The following RMST variants were observed in gnomAD, a reference collection of about 807,000 sequenced individuals.
The protein encoded by RMST is long intergenic non-protein coding RNA 54.
intron 11 of RMST, among the ~76,000 whole-genome samples, chr12:97,539,299 A>C (rs1362473644): frequency 6.6e-6 from 1 of 151,550 alleles, no homozygotes; most frequent in Non-Finnish European, 1.5e-5. Flanking sequence ...CCTGTGGCTG[A>C]AGGTAGCTTG....
intron 11 of RMST, among the ~76,000 whole-genome samples, chr12:97,541,634 C>T (rs1882533317): frequency 6.6e-6 from 1 of 151,138 alleles, no homozygotes; most frequent in African/African-American, 2.4e-5. Flanking sequence ...ACTTAGATCT[C>T]CCTCAGGCTC....
At chr12:97,486,071 C>A (rs1446606304) in intron 5 of RMST, among the ~76,000 whole-genome samples, 3 of 152,118 alleles carry the variant, frequency 2.0e-5, no homozygotes, top group African/African-American at 4.8e-5. Flanking sequence ...ACTAGCAAGA[C>A]CATGATAGAG....
At chr12:97,535,157 T>C (rs1881972251) in intron 11 of RMST, among the ~76,000 whole-genome samples, 1 of 151,698 alleles carries the variant, frequency 6.6e-6, no homozygotes, top group Non-Finnish European at 1.5e-5. Flanking sequence ...TGTAATTTGT[T>C]TAATAAAATC....
intron 11 of RMST, among the ~76,000 whole-genome samples, chr12:97,548,614 T>C (rs889780375): frequency 6.6e-6 from 1 of 152,142 alleles, no homozygotes; most frequent in African/African-American, 2.4e-5. Context: ...TTTATAGTTA[T>C]TATAAATGGG....
intron 10 of RMST, among the ~76,000 whole-genome samples, chr12:97,511,350 T>G (rs1412714927): frequency 1.3e-5 from 2 of 152,134 alleles, no homozygotes; most frequent in African/African-American, 4.8e-5. Flanking sequence ...GGTTTCACCA[T>G]GTTGGCCAGG....
chr12:97,535,000 G>T (rs1300793451), intron 11 of RMST, among the ~76,000 whole-genome samples: 1 of 151,526 alleles, frequency 6.6e-6, no homozygotes, highest in Non-Finnish European at 1.5e-5. Flanking sequence ...ATAGCAAGTG[G>T]CAGACTCAAG....
At chr12:97,528,529 C>T (rs1476177997) in intron 10 of RMST, among the ~76,000 whole-genome samples, 4 of 152,094 alleles carry the variant, frequency 2.6e-5, no homozygotes. Flanking sequence ...CATTCTAACT[C>T]CCTGAATCAA....
At chr12:97,480,099 CTTTT>C (rs1436629092) in intron 5 of RMST, among the ~76,000 whole-genome samples, 1 of 145,180 alleles carries the variant, frequency 6.9e-6, no homozygotes, top group Non-Finnish European at 1.5e-5. Context: ...CTTTTTTTTT[CTTTT>C]TTTTTGAGAC....
At chr12:97,470,381 C>CG (rs1485288550) in intron 5 of RMST, among the ~76,000 whole-genome samples, 1 of 151,804 alleles carries the variant, frequency 6.6e-6, no homozygotes, top group Admixed American at 6.6e-5. Context: ...CTGCCTAGCA[C>CG]GGTGCCTGGC....
At chr12:97,513,087 C>T (rs368582861) in intron 10 of RMST, among the ~76,000 whole-genome samples, 6 of 152,330 alleles carry the variant, frequency 3.9e-5, no homozygotes, top group Admixed American at 3.3e-4. Flanking sequence ...CCGCAAGCAC[C>T]GCGCGCAGCC....
intron 10 of RMST, among the ~76,000 whole-genome samples, chr12:97,520,586 C>T (rs1478435650): frequency 7.2e-5 from 11 of 152,040 alleles, no homozygotes; most frequent in Non-Finnish European, 1.5e-4. Flanking sequence ...TTCCACTTTT[C>T]ATCTTGGCCT....
chr12:97,556,652 G>A (rs1322839859), intron 11 of RMST, among the ~76,000 whole-genome samples: 2 of 152,136 alleles, frequency 1.3e-5, no homozygotes, highest in African/African-American at 4.8e-5. Context: ...CTTCTGCAGA[G>A]GAGATTAGAA....
At chr12:97,499,382 T>A (rs1378331538) in intron 10 of RMST, among the ~76,000 whole-genome samples, 1 of 152,196 alleles carries the variant, frequency 6.6e-6, no homozygotes, top group Non-Finnish European at 1.5e-5. Flanking sequence ...TATTCTTTTT[T>A]AAAATGTAAC....
At chr12:97,544,948 A>T (rs1882826655) in intron 11 of RMST, among the ~76,000 whole-genome samples, 1 of 152,110 alleles carries the variant, frequency 6.6e-6, no homozygotes, top group African/African-American at 2.4e-5. Context: ...CAGGGTAAAA[A>T]ATTCCAATAA....
intron 5 of RMST, among the ~76,000 whole-genome samples, chr12:97,467,695 C>A (rs1873364682): frequency 6.6e-6 from 1 of 151,986 alleles, no homozygotes; most frequent in African/African-American, 2.4e-5. Flanking sequence ...CTTATAGTTT[C>A]TTTCTGCCTA....
chr12:97,467,860 A>G lies in RMST; in HGVS notation n.644+2133A>G, dbSNP rs985529424. Reference sequence around the variant, plus strand: ...CCTGGTTCATTAGAAATTGTGTATGAAGTGCTAAAAGATTTGAATTGGCTT... The same window carrying G: ...CCTGGTTCATTAGAAATTGTGTATGGAGTGCTAAAAGATTTGAATTGGCTT... On this transcript the variant is annotated intron_variant and non_coding_transcript_variant, in intron 5 of 13. Coordinates refer to ENST00000640149, the Ensembl canonical transcript of RMST. Among the ~76,000 whole-genome samples, 14 of 152,026 alleles carry G rather than the reference A, an allele frequency of 9.2e-5. 1 individual carries two copies. Among genetic ancestry groups the G allele is most frequent in the Admixed American group, 8.5e-4 (13 of 15,264 alleles).
At chr12:97,525,611 G>A (rs564069832) in intron 10 of RMST, among the ~76,000 whole-genome samples, 59 of 152,298 alleles carry the variant, frequency 3.9e-4, no homozygotes, top group African/African-American at 1.4e-3. Flanking sequence ...CACAACCAGT[G>A]TGTGCAGCTC....
chr12:97,469,665 A>C (rs1873666079), intron 5 of RMST, among the ~76,000 whole-genome samples: 3 of 152,068 alleles, frequency 2.0e-5, no homozygotes, highest in Non-Finnish European at 4.4e-5. Context: ...TAGGTCCTTC[A>C]GGTGCCATTA....
chr12:97,477,905 G>A (rs1329788340), intron 5 of RMST, among the ~76,000 whole-genome samples: 2 of 152,188 alleles, frequency 1.3e-5, no homozygotes, highest in African/African-American at 4.8e-5. Flanking sequence ...GGGAGACACG[G>A]CAGAGAGAAA....
Sources: gnomAD v4.1 joint callset for allele counts (sites outside exome capture counted in the v4.1 genomes callset) on GRCh38, gnomAD v4.1.1 for gene constraint, MANE v1.5 for transcripts, NCBI Gene and HGNC (gene_info 2026-07-23, HGNC 2026-07-21) for gene names.